The following AHRR variants were observed in gnomAD, a reference collection of about 807,000 sequenced individuals.
AHRR encodes aryl hydrocarbon receptor repressor.
A neutral mutation model predicts 44.0 loss-of-function variants in AHRR; 28 were observed. That is an observed-to-expected ratio of 0.64 (90% CI 0.47 to 0.87). AHRR has a LOEUF of 0.87. Among genes scored for constraint, AHRR ranks in the 40% least tolerant of loss-of-function variants. The probability of loss-of-function intolerance (pLI) is 0.00; values close to 1 mark genes in which losing one functional copy is unlikely to be tolerated. For synonymous variants in AHRR, 434 were observed against 407.0 expected (o/e 1.07, Z -0.80); for missense variants, 990 against 953.9 (o/e 1.04, Z -0.50).
At chr5:322,532 C>T (rs1461166155) in intron 1 of AHRR, 2 of 152,070 alleles carry the variant, frequency 1.3e-5, no homozygotes, top group Non-Finnish European at 2.9e-5. Context: ...TGCGCGCGCA[C>T]AGGCTCTCGT....
At chr5:428,135 A>T in intron 8 of AHRR, 129 bp downstream of exon 8, 11 of 1,100,416 alleles carry the variant, frequency 1.0e-5, no homozygotes, top group Non-Finnish European at 1.4e-5. Flanking sequence ...TTCGTGTCGT[A>T]AAAGTCATTA....
intron 3 of AHRR, among the ~76,000 whole-genome samples, chr5:374,852 A>G (rs927949605): frequency 2.6e-5 from 4 of 152,226 alleles, no homozygotes; most frequent in African/African-American, 9.7e-5. Context: ...GTGCTAGCCC[A>G]GTCCAGCAGC....
chr5:362,420 G>A (rs554800869), intron 3 of AHRR, among the ~76,000 whole-genome samples: 1 of 152,360 alleles, frequency 6.6e-6, no homozygotes, highest in South Asian at 2.1e-4. Flanking sequence ...CCTGCGGTGG[G>A]CATGGGCACA....
rs1007894289 is a variant in AHRR at position 419,761 on chromosome 5, G to C, written c.442-2968G>C. ...TGTTTGTTGCCAACCCCTGTTTACCGGAAGTGTCCCCACACCATTTTCCAT... is the reference window on the plus strand; with the variant it reads ...TGTTTGTTGCCAACCCCTGTTTACCCGAAGTGTCCCCACACCATTTTCCAT... On this transcript the variant is annotated intron_variant, in intron 5 of 10. Coordinates refer to ENST00000684583, the MANE Select transcript of AHRR (RefSeq NM_001377236.1). This position sits in a 1 kb window ranked among gnomAD's most constrained non-coding sequence, Gnocchi z 4.4. Among the ~76,000 whole-genome samples, 1 of 152,112 alleles carries C rather than the reference G, an allele frequency of 6.6e-6. No individual in the cohort carries two copies. The highest frequency in any genetic ancestry group is 1.9e-4 in the East Asian group (1 of 5,200).
At chr5:432,550 C>G (rs763109388) in intron 9 of AHRR, 26 bp downstream of exon 9, 9 of 1,607,262 alleles carry the variant, frequency 5.6e-6, no homozygotes, top group African/African-American at 5.3e-5. Flanking sequence ...CTTATCTGAT[C>G]TTTTCCACAT....
intron 1 of AHRR, among the ~76,000 whole-genome samples, chr5:328,651 T>C (rs1741808524): frequency 6.6e-6 from 1 of 152,198 alleles, no homozygotes; most frequent in African/African-American, 2.4e-5. Flanking sequence ...TATTTTTTCA[T>C]ATACCTGTTG....
At chr5:392,944 C>T (rs1233325734) in intron 4 of AHRR, among the ~76,000 whole-genome samples, 1 of 152,068 alleles carries the variant, frequency 6.6e-6, no homozygotes, top group East Asian at 1.9e-4. Flanking sequence ...AAGGGATCTC[C>T]CCCCACACCA....
chr5:415,419 TAGGGGCCGAATCTGCCTGGTCGGGC>T (rs1735709005), intron 5 of AHRR, among the ~76,000 whole-genome samples: 7 of 132,774 alleles, frequency 5.3e-5, no homozygotes, highest in African/African-American at 1.9e-4. Context: ...GTGGGAGGCC[TAGGGGCCGAATCTGCCTGGTCGGGC>T]GGGAGGCCTA....
chr5:344,416 GTGCGGTA>G (rs1275413421), intron 2 of AHRR, among the ~76,000 whole-genome samples: 2 of 35,806 alleles, frequency 5.6e-5, no homozygotes, highest in Non-Finnish European at 1.3e-4. Context: ...GCGGGGGTGT[GTGCGGTA>G]TGTGTGAGGC....
chr5:389,698 C>A (rs148709908), intron 4 of AHRR, among the ~76,000 whole-genome samples: 1 of 151,990 alleles, frequency 6.6e-6, no homozygotes, highest in Non-Finnish European at 1.5e-5. Context: ...GGTCTGACGG[C>A]CCAGAGAAAG....
rs1742457703 is a variant in AHRR, at chr5:343,835, G to A, written c.-10-58G>A. The A allele has an allele frequency of 2.6e-5, 40 of 1,537,554 alleles. No individual in the cohort carries two copies. The South Asian group carries it at 4.3e-4, about 17-fold the overall frequency. On this transcript the variant is annotated intron_variant, in intron 1 of 10. Coordinates refer to ENST00000684583, the MANE Select transcript of AHRR (RefSeq NM_001377236.1). ...CGCGCTGAGGGGCCCGGGGCATCGC[G>A]GCGGGAACAGGGCGCACGTGGCGCG...
chr5:398,081 CGT>C (rs1560907518), intron 4 of AHRR, among the ~76,000 whole-genome samples: 4 of 122,214 alleles, frequency 3.3e-5, no homozygotes, highest in African/African-American at 1.1e-4. Context: ...TGACCATCCA[CGT>C]AGCCCCTGAC....
At chr5:402,326 G>A (rs940635380) in intron 4 of AHRR, among the ~76,000 whole-genome samples, 7 of 151,872 alleles carry the variant, frequency 4.6e-5, no homozygotes, top group Admixed American at 3.9e-4. Flanking sequence ...GGGGACCCTC[G>A]TGCACTGTTG....
At chr5:339,024 G>T (rs567456816) in intron 1 of AHRR, among the ~76,000 whole-genome samples, 1 of 152,202 alleles carries the variant, frequency 6.6e-6, no homozygotes, top group Non-Finnish European at 1.5e-5. Context: ...ATTTATTTTT[G>T]TATGTTATTA....
rs976523602 is a variant in AHRR, at chr5:337,540, G to A, written c.-10-6353G>A. 5.3e-5 allele frequency among the ~76,000 whole-genome samples: 8 copies of A among 152,090 alleles called. No homozygotes were observed. Among genetic ancestry groups the A allele is most frequent in the African/African-American group, 1.9e-4 (8 of 41,382 alleles). On this transcript the variant is annotated intron_variant, in intron 1 of 10. Coordinates refer to ENST00000684583, the MANE Select transcript of AHRR (RefSeq NM_001377236.1). The surrounding 1 kb of genome is among the most constrained non-coding windows in gnomAD (Gnocchi z 4.1). ...ACTACAGACATGCGCCACCATGCTTGGCTAATTTTTAAAAATTATTTTCTG... is the reference window on the plus strand; with the variant it reads ...ACTACAGACATGCGCCACCATGCTTAGCTAATTTTTAAAAATTATTTTCTG...
At chr5:393,565 G>T (rs541844448) in intron 4 of AHRR, among the ~76,000 whole-genome samples, 1 of 152,362 alleles carries the variant, frequency 6.6e-6, no homozygotes, top group African/African-American at 2.4e-5. Context: ...GAGCCTGGTG[G>T]GTCTGCTCTT....
At chr5:368,843 T>C (rs1743465529) in intron 3 of AHRR, among the ~76,000 whole-genome samples, 1 of 152,232 alleles carries the variant, frequency 6.6e-6, no homozygotes, top group South Asian at 2.1e-4. Flanking sequence ...AGTGCATTTC[T>C]TTGCGGTTCA....
intron 4 of AHRR, among the ~76,000 whole-genome samples, chr5:396,628 G>A (rs866010218): frequency 1.1e-4 from 16 of 152,278 alleles, no homozygotes; most frequent in Middle Eastern, 3.4e-3. Context: ...CTGCTGTTCC[G>A]AAACTCCTTT....
intron 1 of AHRR, among the ~76,000 whole-genome samples, chr5:335,479 C>T (rs1560879483): frequency 6.6e-6 from 1 of 152,068 alleles, no homozygotes; most frequent in Non-Finnish European, 1.5e-5. Context: ...TCCTCCAGGT[C>T]GCTGGATCCC....
Sources: allele counts gnomAD v4.1 joint callset (sites outside exome capture counted in the v4.1 genomes callset), GRCh38; gene constraint gnomAD v4.1.1; non-coding constraint Gnocchi (gnomAD v3.1); transcripts MANE v1.5; gene names NCBI Gene and HGNC (gene_info 2026-07-23, HGNC 2026-07-21).